AGBL4: variants seen among roughly 807,000 people sequenced by gnomAD.
AGBL4 encodes cytosolic carboxypeptidase 6.
Under a neutral mutation model 66.4 loss-of-function variants are expected in AGBL4, and 58 were observed. The observed-to-expected ratio is 0.87, with a 90% CI of 0.71 to 1.09. AGBL4 has a LOEUF of 1.09. Among genes scored for constraint, AGBL4 ranks in the 50% least tolerant of loss-of-function variants. The probability of loss-of-function intolerance (pLI) is 0.00; values close to 1 mark genes in which losing one functional copy is unlikely to be tolerated. For missense variants in AGBL4, 579 were observed against 631.0 expected (o/e 0.92, Z 0.88); for synonymous variants, 234 against 222.9 (o/e 1.05, Z -0.44).
At chr1:48,918,794 C>G (rs1424456800) in intron 5 of AGBL4, among the ~76,000 whole-genome samples, 2 of 152,292 alleles carry the variant, frequency 1.3e-5, no homozygotes, top group East Asian at 3.9e-4. Context: ...GCTAGGAGCC[C>G]TCACCTGGGC....
intron 4 of AGBL4, among the ~76,000 whole-genome samples, chr1:49,211,842 A>C (rs954599290): frequency 2.6e-5 from 4 of 152,102 alleles, no homozygotes; most frequent in Admixed American, 6.6e-5. Context: ...ATCACACAAC[A>C]ACCATTTGAA....
intron 5 of AGBL4, among the ~76,000 whole-genome samples, chr1:49,010,166 G>T (rs1337538010): frequency 6.6e-6 from 1 of 151,886 alleles, no homozygotes; most frequent in South Asian, 2.1e-4. Context: ...AAGCTGATAA[G>T]CAACTTCAGC....
chr1:49,459,171 A>G (rs1436988139), intron 3 of AGBL4, among the ~76,000 whole-genome samples: 1 of 151,742 alleles, frequency 6.6e-6, no homozygotes, highest in African/African-American at 2.4e-5. Flanking sequence ...TAGTGTCAGT[A>G]GGATTGGTAC....
chr1:49,038,572 A>G (rs922233786), intron 5 of AGBL4, among the ~76,000 whole-genome samples: 4 of 152,210 alleles, frequency 2.6e-5, no homozygotes, highest in Non-Finnish European at 5.9e-5. Flanking sequence ...AAGAAGATAT[A>G]CAAATGGAAA....
rs1213334522 is a variant in AGBL4, at chr1:48,959,580, G to A, written c.594+86004C>T. Reference sequence around the variant, plus strand: ...ATGCTAAAGGGGTCAAGCCCCTAAAGGATCTTAGATAGGATGGTCAGGGAA... The same window carrying A: ...ATGCTAAAGGGGTCAAGCCCCTAAAAGATCTTAGATAGGATGGTCAGGGAA... On this transcript the variant is annotated intron_variant, in intron 5 of 13. Coordinates refer to ENST00000371839, the MANE Select transcript of AGBL4 (RefSeq NM_032785.4). Among the ~76,000 whole-genome samples, 4 of 152,148 alleles carry A rather than the reference G, an allele frequency of 2.6e-5. No homozygotes were observed. In the East Asian group the frequency reaches 7.7e-4, roughly 29 times the overall value.
In AGBL4 at chr1:49,442,670, G is replaced by A. The variant is rs111701658; in HGVS notation, c.283-196806C>T. 2.1e-3 allele frequency among the ~76,000 whole-genome samples: 325 copies of A among 152,264 alleles called. 2 individuals are homozygous for A. Among genetic ancestry groups the A allele is most frequent in the Middle Eastern group, 6.8e-3 (2 of 294 alleles). ...AATTCATGCATTAATAGACGCTTAC[G>A]TTGATTCCATTATCTTTGCTATTGT... is the stretch of plus-strand genomic sequence containing the variant. On this transcript the variant is annotated intron_variant, in intron 3 of 13. Coordinates refer to ENST00000371839, the MANE Select transcript of AGBL4 (RefSeq NM_032785.4).
intron 6 of AGBL4, among the ~76,000 whole-genome samples, chr1:48,828,195 A>G (rs1410367575): frequency 1.3e-5 from 2 of 151,686 alleles, no homozygotes; most frequent in African/African-American, 4.8e-5. Context: ...CAAAAAAAAA[A>G]AAAAAGAAAA....
chr1:48,664,073 A>G (rs1646148472), intron 6 of AGBL4, among the ~76,000 whole-genome samples: 1 of 152,238 alleles, frequency 6.6e-6, no homozygotes. Flanking sequence ...GATATGCCCT[A>G]TGATTGCCCT....
chr1:49,864,641 CT>C (rs1025013477), intron 1 of AGBL4, among the ~76,000 whole-genome samples: 10 of 152,158 alleles, frequency 6.6e-5, no homozygotes, highest in Admixed American at 6.5e-4. Flanking sequence ...GGAAGCCATG[CT>C]TTTTCCACTG....
intron 2 of AGBL4, among the ~76,000 whole-genome samples, chr1:49,790,135 T>A (rs2147925897): frequency 6.6e-6 from 1 of 152,142 alleles, no homozygotes; most frequent in Non-Finnish European, 1.5e-5. Context: ...TCCCAGCACT[T>A]TGGGAGGCCA....
At chr1:49,955,151 T>C (rs1656490161) in intron 1 of AGBL4, among the ~76,000 whole-genome samples, 1 of 151,972 alleles carries the variant, frequency 6.6e-6, no homozygotes, top group African/African-American at 2.4e-5. Flanking sequence ...AACTCCTGAA[T>C]TATTGAATCA....
rs377126355 is a variant in AGBL4 at position 49,509,812 on chromosome 1, T to C, written c.282+187501A>G. Among the ~76,000 whole-genome samples the C allele has an allele frequency of 7.2e-5, 11 of 152,032 alleles. No homozygotes were observed. In the South Asian group the frequency reaches 2.3e-3, roughly 32 times the overall value. The stretch of plus-strand genomic sequence containing the variant: ...CATCCATAAAATAGGGGTAACAATA[T>C]TACCTCCCACAATGTTGTGGGAAAA... On this transcript the variant is annotated intron_variant, in intron 3 of 13. Transcript: ENST00000371839.
At chr1:49,813,222 T>C (rs1645145191) in intron 2 of AGBL4, among the ~76,000 whole-genome samples, 1 of 151,990 alleles carries the variant, frequency 6.6e-6, no homozygotes, top group Non-Finnish European at 1.5e-5. Flanking sequence ...AGTGAAAGAC[T>C]CCTCACTATA....
chr1:49,417,350 T>C (rs1008965658), intron 3 of AGBL4, among the ~76,000 whole-genome samples: 11 of 152,050 alleles, frequency 7.2e-5, no homozygotes, highest in Non-Finnish European at 1.3e-4. Context: ...AAGAACTAGT[T>C]TTACAAACAG....
intron 3 of AGBL4, among the ~76,000 whole-genome samples, chr1:49,499,244 T>C (rs1647899649): frequency 6.6e-6 from 1 of 152,070 alleles, no homozygotes; most frequent in Non-Finnish European, 1.5e-5. Flanking sequence ...AACATTTGTG[T>C]GTTCAGATTT....
At position 48,736,429 on chromosome 1, in the gene AGBL4, C is replaced by A; in HGVS notation, c.635-73188G>T. 1.9e-6 allele frequency: 3 copies of A among 1,614,140 alleles called. No individual in the cohort carries two copies. Among genetic ancestry groups the A allele is most frequent in the Non-Finnish European group, 2.5e-6 (3 of 1,180,022 alleles). ...GCTGGTGCCATTTCTCCTCATCAACCCAAATCCCGCTTCCCAGATGGACCT... is the reference window on the plus strand; with the variant it reads ...GCTGGTGCCATTTCTCCTCATCAACACAAATCCCGCTTCCCAGATGGACCT... On this transcript the variant is annotated intron_variant, in intron 6 of 13. Coordinates refer to ENST00000371839, the MANE Select transcript of AGBL4 (RefSeq NM_032785.4). This position sits in a 1 kb window ranked among gnomAD's most constrained non-coding sequence, Gnocchi z 4.0.
chr1:49,994,130 A>G (rs1382050210), intron 1 of AGBL4, among the ~76,000 whole-genome samples: 4 of 152,194 alleles, frequency 2.6e-5, no homozygotes, highest in African/African-American at 4.8e-5. Flanking sequence ...TGCTAACATC[A>G]CAAAAACAGA....
At chr1:49,957,951 G>C (rs1032122013) in intron 1 of AGBL4, among the ~76,000 whole-genome samples, 3 of 152,062 alleles carry the variant, frequency 2.0e-5, no homozygotes, top group Admixed American at 6.6e-5. Flanking sequence ...TTTCTTCCTA[G>C]CATCAATGGT....
intron 5 of AGBL4, among the ~76,000 whole-genome samples, chr1:48,932,491 T>C (rs890122031): frequency 4.6e-5 from 7 of 152,116 alleles, no homozygotes; most frequent in Non-Finnish European, 7.4e-5. Context: ...CTTTTAATGG[T>C]ATAAGGACAA....
Sources: gnomAD v4.1 joint callset for allele counts (sites outside exome capture counted in the v4.1 genomes callset) on GRCh38, gnomAD v4.1.1 for gene constraint, Gnocchi (gnomAD v3.1) non-coding constraint, MANE v1.5 for transcripts, NCBI Gene and HGNC (gene_info 2026-07-23, HGNC 2026-07-21) for gene names.